Variants in ARHGAP42 observed in about 807,000 individuals in gnomAD.
ARHGAP42 encodes Rho GTPase activating protein 42, also known as rho GTPase-activating protein 42.
ARHGAP42 carries 63 observed loss-of-function variants against 125.0 expected under a neutral mutation model. That is an observed-to-expected ratio of 0.50 (90% CI 0.41 to 0.62). The LOEUF (loss-of-function observed/expected upper bound fraction) is 0.62, where lower values mean the gene tolerates loss of function less well. ARHGAP42 is among the 20% of genes least tolerant of loss of function. The pLI, the probability that ARHGAP42 is intolerant of heterozygous loss-of-function variation, is 0.00. For synonymous variants in ARHGAP42, 339 were observed against 351.0 expected (o/e 0.97, Z 0.38); for missense variants, 766 against 1,024.2 (o/e 0.75, Z 3.44).
intron 2 of ARHGAP42, among the ~76,000 whole-genome samples, chr11:100,772,842 G>A (rs925187106): frequency 1.3e-5 from 2 of 152,090 alleles, no homozygotes; most frequent in Non-Finnish European, 2.9e-5. Context: ...TCACTTAGTT[G>A]TTTATTTATT....
chr11:100,716,120 G>A (rs919802733), intron 1 of ARHGAP42, among the ~76,000 whole-genome samples: 1 of 152,152 alleles, frequency 6.6e-6, no homozygotes, highest in Admixed American at 6.5e-5. Context: ...TGGGAAACAC[G>A]TACTGTTAGT....
intron 1 of ARHGAP42, among the ~76,000 whole-genome samples, chr11:100,692,735 G>T (rs1403403202): frequency 6.6e-6 from 1 of 152,178 alleles, no homozygotes; most frequent in African/African-American, 2.4e-5. Flanking sequence ...TTTCTTAAAG[G>T]TGTCTACCCT....
intron 22 of ARHGAP42, among the ~76,000 whole-genome samples, chr11:100,983,347 T>C (rs1269247099): frequency 6.6e-6 from 1 of 152,264 alleles, no homozygotes; most frequent in Admixed American, 6.5e-5. Context: ...TTTTTTCAGA[T>C]ATCTTTAATA....
chr11:100,748,376 C>A (rs1862355680), intron 1 of ARHGAP42, among the ~76,000 whole-genome samples: 1 of 149,628 alleles, frequency 6.7e-6, no homozygotes, highest in South Asian at 2.1e-4. Flanking sequence ...CCCTCAATCA[C>A]CCGACTGTCC....
intron 4 of ARHGAP42, among the ~76,000 whole-genome samples, chr11:100,897,664 T>C (rs1866400046): frequency 6.6e-6 from 1 of 152,216 alleles, no homozygotes. Flanking sequence ...TGTATAGGAA[T>C]GCTTGTGATT....
chr11:100,881,766 A>G (rs1591264723), intron 4 of ARHGAP42, among the ~76,000 whole-genome samples: 1 of 152,056 alleles, frequency 6.6e-6, no homozygotes, highest in South Asian at 2.1e-4. Context: ...GCAGTGTTGT[A>G]GTTTTCCTTG....
intron 1 of ARHGAP42, among the ~76,000 whole-genome samples, chr11:100,726,909 G>A (rs1011302111): frequency 1.3e-5 from 2 of 152,230 alleles, no homozygotes; most frequent in African/African-American, 2.4e-5. Flanking sequence ...TCAATTTGAA[G>A]TCATGATTCC....
intron 2 of ARHGAP42, among the ~76,000 whole-genome samples, chr11:100,791,538 A>T (rs1007869242): frequency 6.6e-6 from 1 of 152,188 alleles, no homozygotes; most frequent in African/African-American, 2.4e-5. Flanking sequence ...TGAATATTTA[A>T]TGTCCTCAAC....
chr11:100,752,110 T>C (rs1862475347), intron 1 of ARHGAP42, among the ~76,000 whole-genome samples: 1 of 151,876 alleles, frequency 6.6e-6, no homozygotes, highest in Non-Finnish European at 1.5e-5. Flanking sequence ...TCTGCAGAAA[T>C]GTTGATGTTC....
intron 1 of ARHGAP42, among the ~76,000 whole-genome samples, chr11:100,717,392 C>G (rs1183125435): frequency 6.6e-6 from 1 of 152,052 alleles, no homozygotes; most frequent in Non-Finnish European, 1.5e-5. Flanking sequence ...AATCCCAGCA[C>G]TTTGGGAGGC....
intron 1 of ARHGAP42, among the ~76,000 whole-genome samples, chr11:100,756,930 T>C (rs1862592181): frequency 6.6e-6 from 1 of 152,216 alleles, no homozygotes; most frequent in African/African-American, 2.4e-5. Flanking sequence ...AAGATTGAGA[T>C]TTATTTTTAT....
intron 19 of ARHGAP42, among the ~76,000 whole-genome samples, chr11:100,974,830 C>A (rs1383213278): frequency 6.6e-6 from 1 of 151,954 alleles, no homozygotes; most frequent in Non-Finnish European, 1.5e-5. Flanking sequence ...GCTCAAGGCC[C>A]TTTTTTCTGC....
At position 100,850,224 on chromosome 11, in the gene ARHGAP42, A is replaced by G. The variant is rs191397158; in HGVS notation, c.313-9330A>G. On this transcript the variant is annotated intron_variant, in intron 3 of 23. Coordinates refer to ENST00000298815, the MANE Select transcript of ARHGAP42 (RefSeq NM_152432.4). ...AAAGATTTTAATAGGGAAAATAACT[A>G]CTTTTGAAGATATAGAAATTAGAAA... is the stretch of plus-strand genomic sequence containing the variant. Among the ~76,000 whole-genome samples the G allele has an allele frequency of 1.4e-4, 21 of 152,294 alleles. 1 individual carries two copies. The highest frequency in any genetic ancestry group is 9.8e-4 in the Admixed American group (15 of 15,282).
At chr11:100,700,132 A>G (rs1354251793) in intron 1 of ARHGAP42, among the ~76,000 whole-genome samples, 1 of 152,224 alleles carries the variant, frequency 6.6e-6, no homozygotes, top group Non-Finnish European at 1.5e-5. Flanking sequence ...TTGGTTTCCC[A>G]GTGCATGTAA....
Position 100,959,883 on chromosome 11 carries a change from T to A in ARHGAP42, c.1163T>A (p.Met388Lys). 6.4e-7 allele frequency: 1 copy of A among 1,551,258 alleles called. No homozygotes were observed. The highest frequency in any genetic ancestry group is 8.7e-7 in the Non-Finnish European group (1 of 1,146,434). The change falls in exon 13 of 24, where the codon ATG becomes AAG. Residue 388 changes from methionine (M) to lysine (K), a missense_variant and splice_region_variant. Physicochemically the swap from Met to Lys is moderately conservative, Grantham distance 95. Around this residue, in one of 3 missense-constraint regions of ARHGAP42, gnomAD observed 455 missense variants for 636.5 expected, o/e 0.71. Transcript: ENST00000298815. ...LPAIISKKEE[M>K]YLNEAGFNFV... ...AATGCGATTTCTCTCTTATTTTCAG[T>A]GTATTTGAATGAAGCAGGGTTCAAC...
intron 1 of ARHGAP42, among the ~76,000 whole-genome samples, chr11:100,750,768 G>C (rs1175159606): frequency 6.6e-6 from 1 of 152,116 alleles, no homozygotes; most frequent in East Asian, 1.9e-4. Flanking sequence ...TATCGAATAT[G>C]GTTGCTTTAT....
chr11:100,817,224 G>T (rs1010635365), intron 3 of ARHGAP42, among the ~76,000 whole-genome samples: 4 of 152,182 alleles, frequency 2.6e-5, no homozygotes, highest in African/African-American at 9.7e-5. Context: ...CCCACTAAAT[G>T]CCAGTAGCAG....
chr11:100,691,691 A>G (rs971615966), intron 1 of ARHGAP42, among the ~76,000 whole-genome samples: 3 of 151,926 alleles, frequency 2.0e-5, no homozygotes, highest in Non-Finnish European at 4.4e-5. Context: ...AATTTTTGAT[A>G]TTTTTTGTAG....
intron 3 of ARHGAP42, among the ~76,000 whole-genome samples, chr11:100,809,023 A>G (rs1864074587): frequency 6.6e-6 from 1 of 152,134 alleles, no homozygotes; most frequent in African/African-American, 2.4e-5. Context: ...GGGGCATCTC[A>G]TTTATCTGTG....
Sources: gnomAD v4.1 joint callset for allele counts (sites outside exome capture counted in the v4.1 genomes callset) on GRCh38, gnomAD v4.1.1 for gene constraint, gnomAD v4.1.1 regional missense constraint, MANE v1.5 for transcripts, NCBI Gene and HGNC (gene_info 2026-07-23, HGNC 2026-07-21) for gene names.